The following FOXP2 variants were observed in gnomAD, a reference collection of about 807,000 sequenced individuals.
The protein encoded by FOXP2 is forkhead box protein P2.
A neutral mutation model predicts 115.8 loss-of-function variants in FOXP2; 12 were observed. The ratio of observed to expected loss-of-function variants is 0.10; its 90% CI spans 0.07 to 0.17. The LOEUF (loss-of-function observed/expected upper bound fraction) is 0.17. Ranked by LOEUF, FOXP2 falls within the 10% of genes least tolerant of loss-of-function variation. The probability of loss-of-function intolerance (pLI) is 1.00; values close to 1 mark genes in which losing one functional copy is unlikely to be tolerated. For synonymous variants in FOXP2, 328 were observed against 297.7 expected, an observed-to-expected ratio of 1.10 and a Z score of -1.05; for missense variants, 629 against 843.5, an observed-to-expected ratio of 0.75 and a Z score of 3.15.
intron 1 of FOXP2, among the ~76,000 whole-genome samples, chr7:114,102,315 A>G (rs1790990696): frequency 6.6e-6 from 1 of 152,060 alleles, no homozygotes; most frequent in Admixed American, 6.6e-5. Context: ...ACCATTATTG[A>G]TTTTAGAATT....
At chr7:114,543,324 C>T (rs1332738669) in intron 3 of FOXP2, among the ~76,000 whole-genome samples, 1 of 151,978 alleles carries the variant, frequency 6.6e-6, no homozygotes. Context: ...TTATAGTAGA[C>T]CCTCAACATT....
intron 2 of FOXP2, among the ~76,000 whole-genome samples, chr7:114,298,531 C>T (rs1483932837): frequency 6.6e-6 from 1 of 152,116 alleles, no homozygotes; most frequent in Non-Finnish European, 1.5e-5. Flanking sequence ...ACTTAATATT[C>T]CCAATCTAAT....
chr7:114,286,199 C>T (rs919796680), intron 1 of FOXP2, among the ~76,000 whole-genome samples: 1 of 151,850 alleles, frequency 6.6e-6, no homozygotes, highest in Non-Finnish European at 1.5e-5. Context: ...ATATAACACT[C>T]TCATGTATGT....
intron 3 of FOXP2, among the ~76,000 whole-genome samples, chr7:114,553,072 T>A (rs1470563401): frequency 5.9e-5 from 9 of 151,496 alleles, no homozygotes; most frequent in Admixed American, 5.9e-4. Flanking sequence ...ACTGTGAAAT[T>A]AAAAAAAAAC....
chr7:114,572,773 A>T (rs1355395477), intron 3 of FOXP2, among the ~76,000 whole-genome samples: 6 of 151,898 alleles, frequency 4.0e-5, no homozygotes, highest in Non-Finnish European at 8.8e-5. Context: ...CTGATGAGAG[A>T]AAAGAAATCT....
At chr7:114,565,237 CTT>C (rs938528821) in intron 3 of FOXP2, among the ~76,000 whole-genome samples, 1 of 151,568 alleles carries the variant, frequency 6.6e-6, no homozygotes, top group African/African-American at 2.4e-5. Flanking sequence ...ATTTACAAGA[CTT>C]TTTTTATTTT....
intron 1 of FOXP2, among the ~76,000 whole-genome samples, chr7:114,244,143 T>C (rs1323416974): frequency 6.6e-6 from 1 of 152,168 alleles, no homozygotes; most frequent in Non-Finnish European, 1.5e-5. Flanking sequence ...TAGTAAAATG[T>C]TTGTTTCCGG....
chr7:114,132,795 C>T (rs1791927659), intron 1 of FOXP2, among the ~76,000 whole-genome samples: 1 of 152,000 alleles, frequency 6.6e-6, no homozygotes, highest in Admixed American at 6.5e-5. Flanking sequence ...CAGGCCAGTA[C>T]AGCTGGTATA....
intron 2 of FOXP2, among the ~76,000 whole-genome samples, chr7:114,338,079 G>C (rs987284743): frequency 2.6e-5 from 4 of 151,058 alleles, no homozygotes; most frequent in South Asian, 4.1e-4. Context: ...TGATAGCATA[G>C]CTTTGGTACA....
At chr7:114,580,134 C>G (rs1432999189) in intron 3 of FOXP2, among the ~76,000 whole-genome samples, 1 of 152,118 alleles carries the variant, frequency 6.6e-6, no homozygotes, top group Non-Finnish European at 1.5e-5. Context: ...ACTAGACCAT[C>G]CTACTTAAGA....
intron 1 of FOXP2, among the ~76,000 whole-genome samples, chr7:114,152,833 G>T (rs1272007931): frequency 6.6e-6 from 1 of 152,082 alleles, no homozygotes; most frequent in East Asian, 1.9e-4. Flanking sequence ...TGAATGCCAT[G>T]TGGGGCCCCC....
intron 2 of FOXP2, among the ~76,000 whole-genome samples, chr7:114,357,853 C>T (rs1000266502): frequency 7.2e-5 from 11 of 152,038 alleles, no homozygotes; most frequent in Non-Finnish European, 1.3e-4. Context: ...AAGAGTAATA[C>T]TATCCTTCTT....
intron 1 of FOXP2, among the ~76,000 whole-genome samples, chr7:114,149,647 A>G (rs1443099616): frequency 2.0e-5 from 3 of 152,056 alleles, no homozygotes; most frequent in Admixed American, 1.3e-4. Flanking sequence ...GTAATAAAAT[A>G]GTTTCTTTCA....
intron 10 of FOXP2, chr7:114,656,398 A>C: frequency 3.3e-6 from 1 of 299,956 alleles, no homozygotes; most frequent in South Asian, 2.5e-5. Context: ...TATTTTCTAA[A>C]TATAACATTG....
chr7:114,126,189 G>T (rs1791703180), intron 1 of FOXP2, among the ~76,000 whole-genome samples: 1 of 144,388 alleles, frequency 6.9e-6, no homozygotes, highest in African/African-American at 2.6e-5. Flanking sequence ...TTCTAATTTG[G>T]GCTTCAGGAA....
At chr7:114,628,445 A>G in intron 3 of FOXP2, 95 bp from the exon 4 acceptor site, 1 of 1,525,636 alleles carries the variant, frequency 6.6e-7, no homozygotes, top group African/African-American at 1.4e-5. Context: ...TCAATGCTAA[A>G]GAATTTATAA....
rs117687715 is a variant in FOXP2, at chr7:114,640,269, A to G, written c.776-2141A>G. Among the ~76,000 whole-genome samples the G allele has an allele frequency of 6.1e-3, 929 of 152,282 alleles. 8 individuals carry two copies. The highest frequency in any genetic ancestry group is 9.5e-3 in the Non-Finnish European group (647 of 68,002). On this transcript the variant is annotated intron_variant, in intron 6 of 16. Coordinates refer to ENST00000350908, the MANE Select transcript of FOXP2 (RefSeq NM_014491.4). ...ATCTTTATATAAAAAGTTGTTTCCT[A>G]TGTAACAGAGAAACCTTTCTTTATA...
In FOXP2 at chr7:114,353,531, A is replaced by G. The variant is rs1791545229; in HGVS notation, c.-11+65422A>G. Among the ~76,000 whole-genome samples the G allele has an allele frequency of 2.6e-5, 4 of 151,864 alleles. No individual in the cohort carries two copies. The South Asian group carries it at 8.3e-4, about 31-fold the overall frequency. On this transcript the variant is annotated intron_variant, in intron 2 of 17. Transcript: ENST00000634411. ...AAAGCAGATTGGGATTTACATGAGAATTGTATCATTGTGAAATGAAACAAC... is the reference window on the plus strand; with the variant it reads ...AAAGCAGATTGGGATTTACATGAGAGTTGTATCATTGTGAAATGAAACAAC...
intron 1 of FOXP2, among the ~76,000 whole-genome samples, chr7:114,244,903 AGGC>A (rs1795241156): frequency 6.6e-6 from 1 of 151,694 alleles, no homozygotes; most frequent in Non-Finnish European, 1.5e-5. Flanking sequence ...CTAGGACTAC[AGGC>A]GCCCACCATC....
Sources: allele counts gnomAD v4.1 joint callset (sites outside exome capture counted in the v4.1 genomes callset), GRCh38; gene constraint gnomAD v4.1.1; transcripts MANE v1.5; gene names NCBI Gene and HGNC (gene_info 2026-07-23, HGNC 2026-07-21).